BRD8: variants seen among roughly 807,000 people sequenced by gnomAD.
BRD8 encodes the protein bromodomain containing 8.
A neutral mutation model predicts 143.1 loss-of-function variants in BRD8; 67 were observed. That is an observed-to-expected ratio of 0.47 (90% CI 0.38 to 0.57). The LOEUF (loss-of-function observed/expected upper bound fraction) is 0.57. Ranked by LOEUF, BRD8 falls within the 20% of genes least tolerant of loss-of-function variation. BRD8 has a pLI of 0.00. For synonymous variants in BRD8, 505 were observed against 517.1 expected (o/e 0.98, Z 0.32); for missense variants, 1,103 against 1,503.0 (o/e 0.73, Z 4.40).
In BRD8 at chr5:138,158,195, A is replaced by G. The variant is rs1042681435; in HGVS notation, c.2577+1360T>C. Among the ~76,000 whole-genome samples, 30 of 152,148 alleles carry G rather than the reference A, an allele frequency of 2.0e-4. 1 individual carries two copies. Among genetic ancestry groups the G allele is most frequent in the Non-Finnish European group, 3.7e-4 (25 of 68,038 alleles). On this transcript the variant is annotated intron_variant, in intron 20 of 26. Coordinates refer to ENST00000254900, the MANE Select transcript of BRD8 (RefSeq NM_139199.2). ...GTGAGGTAGGCTGGACAAGTACCTC[A>G]TTATATTAGCTTTATCACACACCAA...
chr5:138,173,542 TAC>T lies in BRD8; in HGVS notation c.117-1410_117-1409del, dbSNP rs147012738. Among the ~76,000 whole-genome samples, 580 of 150,694 alleles carry T rather than the reference TAC, an allele frequency of 3.8e-3. 4 individuals carry two copies. The highest frequency in any genetic ancestry group is 5.6e-3 in the Non-Finnish European group (380 of 67,502). On this transcript the variant is annotated intron_variant, in intron 2 of 26. Coordinates refer to ENST00000254900, the MANE Select transcript of BRD8 (RefSeq NM_139199.2). Reference sequence around the variant, plus strand: ...CATATACAAATATATGTGATGTGTATACACACACACACACACACATACAAAAC... The same window carrying T: ...CATATACAAATATATGTGATGTGTATACACACACACACACACATACAAAAC...
intron 20 of BRD8, 27 bp downstream of exon 20, chr5:138,159,528 C>T: frequency 6.2e-7 from 1 of 1,612,738 alleles, no homozygotes; most frequent in Non-Finnish European, 8.5e-7. Context: ...GTGGCAACAC[C>T]ACCCCTTGCA....
chr5:138,161,344 G>A (rs1308718181), intron 17 of BRD8: 5 of 315,168 alleles, frequency 1.6e-5, no homozygotes, highest in Admixed American at 4.8e-5. Context: ...CACAATCATG[G>A]TTCACTGCAG....
chr5:138,144,471 C>G (rs1489434378), intron 25 of BRD8, among the ~76,000 whole-genome samples: 1 of 152,202 alleles, frequency 6.6e-6, no homozygotes, highest in Non-Finnish European at 1.5e-5. Context: ...TACAATCAAC[C>G]AATGTTCATA....
intron 23 of BRD8, among the ~76,000 whole-genome samples, chr5:138,147,299 AAT>A (rs4033080): frequency 2.7e-4 from 40 of 146,080 alleles, no homozygotes; most frequent in East Asian, 7.9e-4. Flanking sequence ...CTCTTCAAAA[AAT>A]ATATATATAT....
chr5:138,176,996 A>T (rs2151225729), intron 2 of BRD8, among the ~76,000 whole-genome samples: 1 of 151,176 alleles, frequency 6.6e-6, no homozygotes, highest in African/African-American at 2.4e-5. Context: ...GCTGAGGTGG[A>T]GGATCATTTG....
chr5:138,157,392 G>A, intron 20 of BRD8: 2 of 1,214,956 alleles, frequency 1.6e-6, no homozygotes, highest in Non-Finnish European at 2.3e-6. Context: ...AAAATCCAGA[G>A]GGATGAGGGG....
chr5:138,157,348 G>C, intron 20 of BRD8: 2 of 1,565,752 alleles, frequency 1.3e-6, no homozygotes, highest in Non-Finnish European at 1.7e-6. Flanking sequence ...TTGGGGATTT[G>C]GTTTCTTGGG....
intron 25 of BRD8, among the ~76,000 whole-genome samples, chr5:138,144,287 C>T (rs1752045772): frequency 6.6e-6 from 1 of 152,100 alleles, no homozygotes; most frequent in African/African-American, 2.4e-5. Flanking sequence ...CTGAACTCAG[C>T]GAGACCACAA....
At chr5:138,155,195 C>G (rs1752533336) in intron 20 of BRD8, among the ~76,000 whole-genome samples, 1 of 151,634 alleles carries the variant, frequency 6.6e-6, no homozygotes, top group African/African-American at 2.4e-5. Flanking sequence ...GTCTGTAATC[C>G]TAGCACTTTG....
intron 25 of BRD8, among the ~76,000 whole-genome samples, chr5:138,144,152 G>A (rs1014905552): frequency 2.0e-5 from 3 of 152,074 alleles, no homozygotes; most frequent in Non-Finnish European, 2.9e-5. Context: ...AACACTCACC[G>A]CCAAGGTCTG....
In BRD8 at chr5:138,140,159, T is replaced by C; in HGVS notation, c.3623A>G (p.Asn1208Ser). The C allele has an allele frequency of 6.2e-7, 1 of 1,610,972 alleles. No homozygotes were observed. Among genetic ancestry groups the C allele is most frequent in the Non-Finnish European group, 8.5e-7 (1 of 1,177,116 alleles). Residue 1208 changes from asparagine to serine, a missense_variant, in exon 27 of 27, where the codon AAT becomes AGT. Asn to Ser is a conservative substitution (Grantham distance 46). This residue lies in a region of BRD8 where 369 missense variants were observed against 445.5 expected (regional missense o/e 0.83). Transcript: ENST00000254900. ...QEVLEQIQVL[N>S]IWLDKRKGSS... ...GCCTTTTCTTTTGTCTAACCAGATA[T>C]TCAGTACCTAAAGGGTTAAGGAACA...
intron 25 of BRD8, among the ~76,000 whole-genome samples, chr5:138,144,181 C>A (rs1344545515): frequency 6.6e-6 from 1 of 152,100 alleles, no homozygotes; most frequent in Non-Finnish European, 1.5e-5. Flanking sequence ...CTCCTGAAGC[C>A]AGCGAGACCA....
chr5:138,145,068 A>G, intron 25 of BRD8, 109 bp downstream of exon 25: 1 of 1,152,182 alleles, frequency 8.7e-7, no homozygotes, highest in Admixed American at 2.2e-5. Context: ...TTGGCTATGA[A>G]ACATATCTTG....
chr5:138,156,927 G>A (rs891401242), intron 20 of BRD8: 13 of 1,229,764 alleles, frequency 1.1e-5, no homozygotes, highest in Non-Finnish European at 1.3e-5. Flanking sequence ...CATTTCACTG[G>A]TGGTTGTTTT....
chr5:138,175,261 A>G (rs1273875732), intron 2 of BRD8, among the ~76,000 whole-genome samples: 10 of 152,136 alleles, frequency 6.6e-5, no homozygotes, highest in Non-Finnish European at 1.5e-4. Flanking sequence ...GTGGCCACAT[A>G]TTACTTCAAA....
intron 18 of BRD8, 83 bp downstream of exon 18, chr5:138,160,808 A>G (rs1752947385): frequency 7.6e-7 from 1 of 1,312,474 alleles, no homozygotes; most frequent in Admixed American, 2.6e-5. Context: ...AGCCACAGCA[A>G]CCCTTCTTGG....
intron 20 of BRD8, among the ~76,000 whole-genome samples, chr5:138,155,562 T>G (rs1211590504): frequency 6.6e-6 from 1 of 151,960 alleles, no homozygotes; most frequent in Non-Finnish European, 1.5e-5. Context: ...AGGGGTGTTT[T>G]TTCTCTGTTG....
chr5:138,140,946 C>T (rs747972886), intron 25 of BRD8, 64 bp from the exon 26 acceptor site: 47 of 1,553,224 alleles, frequency 3.0e-5, no homozygotes, highest in Middle Eastern at 3.5e-4. Context: ...GATAACCTAA[C>T]ACGTTCTCTT....
Sources: gnomAD v4.1 joint callset for allele counts (sites outside exome capture counted in the v4.1 genomes callset) on GRCh38, gnomAD v4.1.1 for gene constraint, gnomAD v4.1.1 regional missense constraint, MANE v1.5 for transcripts, NCBI Gene and HGNC (gene_info 2026-07-23, HGNC 2026-07-21) for gene names.